The following DNAH5 variants were observed in gnomAD, a reference collection of about 807,000 sequenced individuals.
The protein encoded by DNAH5 is dynein axonemal heavy chain 5.
Under a neutral mutation model 518.2 loss-of-function variants are expected in DNAH5, and 372 were observed. The ratio of observed to expected loss-of-function variants is 0.72; its 90% CI spans 0.66 to 0.78. DNAH5 has a LOEUF of 0.78. Ranked by LOEUF, DNAH5 falls within the 30% of genes least tolerant of loss-of-function variation. The pLI, the probability that DNAH5 is intolerant of heterozygous loss-of-function variation, is 0.00. For missense variants in DNAH5, 5,523 were observed against 5,687.0 expected (o/e 0.97, Z 0.93); for synonymous variants, 2,039 against 2,025.9 (o/e 1.01, Z -0.17).
chr5:13,949,281 A>G (rs958203820), upstream of DNAH5, among the ~76,000 whole-genome samples: 1 of 152,242 alleles, frequency 6.6e-6, no homozygotes, highest in Non-Finnish European at 1.5e-5. Flanking sequence ...ATGCAAGACA[A>G]TAAACATCCA....
chr5:13,832,471 A>T (rs1763802905), intron 35 of DNAH5, among the ~76,000 whole-genome samples: 1 of 152,186 alleles, frequency 6.6e-6, no homozygotes, highest in Admixed American at 6.5e-5. Flanking sequence ...AGAATTCTAC[A>T]TGTGAGTGTA....
chr5:13,839,188 C>T (rs999583569), intron 35 of DNAH5, among the ~76,000 whole-genome samples, 168 bp downstream of exon 35: 1 of 152,118 alleles, frequency 6.6e-6, no homozygotes, highest in African/African-American at 2.4e-5. Flanking sequence ...GTGTCAGTCA[C>T]AAACCTAAAT....
chr5:13,761,619 G>C (rs1411912798), intron 60 of DNAH5, among the ~76,000 whole-genome samples: 1 of 149,374 alleles, frequency 6.7e-6, no homozygotes, highest in East Asian at 1.9e-4. Flanking sequence ...CACTATGCAT[G>C]GTTACCCACT....
chr5:13,833,612 G>A (rs1763986868), intron 35 of DNAH5, among the ~76,000 whole-genome samples: 1 of 152,194 alleles, frequency 6.6e-6, no homozygotes, highest in East Asian at 1.9e-4. Context: ...TAGGTGTCTT[G>A]TCCAACACTA....
chr5:13,911,216 A>T, intron 12 of DNAH5, 170 bp downstream of exon 12: 1 of 647,512 alleles, frequency 1.5e-6, no homozygotes, highest in Non-Finnish European at 2.8e-6. Flanking sequence ...TCCATGAAAA[A>T]CAGCCTTCAA....
chr5:13,885,452 T>C (rs1327950604), intron 18 of DNAH5, among the ~76,000 whole-genome samples: 3 of 152,154 alleles, frequency 2.0e-5, no homozygotes, highest in Admixed American at 2.0e-4. Context: ...TCCTTCTCAA[T>C]ACAAGAAAAC....
chr5:13,938,816 G>T (rs545199464), intron 1 of DNAH5, among the ~76,000 whole-genome samples: 1 of 152,146 alleles, frequency 6.6e-6, no homozygotes, highest in South Asian at 2.1e-4. Flanking sequence ...CAGTGCTAAC[G>T]AAACCAAGGA....
chr5:13,841,804 G>T lies in DNAH5; in HGVS notation c.5372C>A (p.Ser1791Tyr). The T allele has an allele frequency of 6.2e-7, 1 of 1,609,862 alleles. No homozygotes were observed. The change falls in exon 33 of 79, where the codon TCT becomes TAT. Residue 1791 changes from serine to tyrosine, a missense_variant. Physicochemically the swap from Ser to Tyr is moderately radical, Grantham distance 144. Coordinates refer to ENST00000265104, the MANE Select transcript of DNAH5 (RefSeq NM_001369.3). Reference protein sequence around the residue: ...AEGNVEVWLNSLLEESQSSLH... With the variant: ...AEGNVEVWLNYLLEESQSSLH... The stretch of plus-strand genomic sequence containing the variant: ...TGAGGACTGAGATTCTTCCAAAAGA[G>T]AATTAAGCCAAACTTCCACATTGCC...
chr5:13,699,075 G>C (rs1741735201), intron 78 of DNAH5, among the ~76,000 whole-genome samples: 1 of 152,174 alleles, frequency 6.6e-6, no homozygotes, highest in Non-Finnish European at 1.5e-5. Flanking sequence ...CACTAGGGCA[G>C]TGTTTGGCAG....
In DNAH5 at chr5:13,944,651, C is replaced by T. The variant is rs1779768645; in HGVS notation, c.-213G>A. The T allele has an allele frequency of 1.7e-6, 1 of 581,204 alleles. No individual in the cohort carries two copies. Among genetic ancestry groups the T allele is most frequent in the Admixed American group, 2.8e-5 (1 of 35,700 alleles). The allele number at this position is 581,204 out of a possible 1,614,324, so 36.0% of individuals were successfully genotyped here. On this transcript the variant is annotated 5_prime_UTR_variant, in exon 1 of 79. Transcript: ENST00000265104. The stretch of plus-strand genomic sequence containing the variant: ...TCAAGTTTTTCTCCTAGAGTGTCTG[C>T]CCTGGGCCTCTCCTCTCTCTCGAAG...
At position 13,692,732 on chromosome 5, in the gene DNAH5, TAGA is replaced by T. The variant is rs1740865704; in HGVS notation, c.13724-600_13724-598del. On this transcript the variant is annotated intron_variant, in intron 78 of 78. Transcript: ENST00000265104. ...TGAGACTCAGTCTACCTTTCTGGAG[TAGA>T]AGAATGGATGCAGTTTCCAAAATGA... Among the ~76,000 whole-genome samples, 5 of 152,102 alleles carry T rather than the reference TAGA, an allele frequency of 3.3e-5. No individual in the cohort carries two copies. In the South Asian group the frequency reaches 8.3e-4, roughly 25 times the overall value.
chr5:13,901,656 T>A, intron 13 of DNAH5, 83 bp from the exon 14 acceptor site: 1 of 781,350 alleles, frequency 1.3e-6, no homozygotes, highest in South Asian at 2.2e-5. Context: ...GTAATCTCAT[T>A]TATTAATATT....
chr5:13,894,924 C>G, intron 15 of DNAH5, 103 bp from the exon 16 acceptor site: 2 of 1,309,174 alleles, frequency 1.5e-6, no homozygotes, highest in Non-Finnish European at 2.2e-6. Flanking sequence ...TAGGGTCAAA[C>G]TGTAGGGCTC....
Position 13,810,103 on chromosome 5 carries a change from G to A in DNAH5, c.7565C>T (p.Ala2522Val). ...GTCGAAGGCGGTGTCCCCGGGCCCC[G>A]CTGGCGGCGGCAGCTCCAGCGTCCC... ...PTGTLELPPP[A>V]GPGDTAFDYY... The change falls in exon 45 of 79, where the codon GCG becomes GTG. Residue 2522 changes from alanine (A) to valine (V), a missense_variant. Physicochemically the swap from Ala to Val is moderately conservative, Grantham distance 64. Coordinates refer to ENST00000265104, the MANE Select transcript of DNAH5 (RefSeq NM_001369.3). 9 of 1,551,360 alleles carry A rather than the reference G, an allele frequency of 5.8e-6. No homozygotes were observed. The highest frequency in any genetic ancestry group is 7.8e-6 in the Non-Finnish European group (9 of 1,147,840).
intron 50 of DNAH5, among the ~76,000 whole-genome samples, chr5:13,790,577 G>A (rs1016139305): frequency 3.3e-5 from 5 of 152,252 alleles, no homozygotes; most frequent in African/African-American, 1.2e-4. Flanking sequence ...TTCCCCCATG[G>A]TGTTCTCCTG....
intron 12 of DNAH5, among the ~76,000 whole-genome samples, chr5:13,907,177 T>C (rs1224436892): frequency 6.6e-6 from 1 of 151,808 alleles, no homozygotes; most frequent in Non-Finnish European, 1.5e-5. Context: ...ACGACTGTAA[T>C]CCCAGCACTT....
intron 14 of DNAH5, chr5:13,900,640 G>A (rs1369249521): frequency 1.2e-5 from 7 of 572,170 alleles, no homozygotes; most frequent in Non-Finnish European, 2.2e-5. Context: ...ACCTTTCAAT[G>A]ACTCTAACAC....
chr5:13,870,286 T>C (rs947845130), intron 24 of DNAH5, among the ~76,000 whole-genome samples: 7 of 152,174 alleles, frequency 4.6e-5, no homozygotes, highest in Non-Finnish European at 7.4e-5. Flanking sequence ...CTATAAGGAC[T>C]GCAGCTGTCC....
chr5:13,869,791 A>T (rs1769810360), intron 24 of DNAH5, among the ~76,000 whole-genome samples: 1 of 151,926 alleles, frequency 6.6e-6, no homozygotes, highest in South Asian at 2.1e-4. Flanking sequence ...CTACTTTTTA[A>T]TTAGGGAAAA....
Sources: allele counts gnomAD v4.1 joint callset (sites outside exome capture counted in the v4.1 genomes callset), GRCh38; gene constraint gnomAD v4.1.1; transcripts MANE v1.5; gene names NCBI Gene and HGNC (gene_info 2026-07-23, HGNC 2026-07-21).